Variants in WNK3 observed in about 807,000 individuals in gnomAD.
WNK3 encodes the protein serine/threonine-protein kinase WNK3.
Under a neutral mutation model 116.7 loss-of-function variants are expected in WNK3, and 18 were observed. The observed-to-expected ratio is 0.15, with a 90% CI of 0.11 to 0.23. The LOEUF (loss-of-function observed/expected upper bound fraction) is 0.23, where lower values mean the gene tolerates loss of function less well. WNK3 is among the 10% of genes least tolerant of loss of function. WNK3 has a pLI of 1.00. For missense variants in WNK3, 993 were observed against 1,323.8 expected (o/e 0.75, Z 3.88); for synonymous variants, 404 against 469.4 (o/e 0.86, Z 1.80).
intron 22 of WNK3, among the ~76,000 whole-genome samples, chrX:54,227,332 A>G (rs782123008): frequency 5.4e-5 from 6 of 111,932 alleles, no homozygotes; most frequent in Non-Finnish European, 9.4e-5. Flanking sequence ...TTAATAACTA[A>G]TATTACAGAA....
At chrX:54,313,963 G>A (rs1032447757) in intron 2 of WNK3, among the ~76,000 whole-genome samples, 1 of 109,111 alleles carries the variant, frequency 9.2e-6, no homozygotes, top group Non-Finnish European at 1.9e-5. Context: ...AGGCCAAGGC[G>A]GGCAGATCGC....
Position 54,251,383 on chromosome X carries a change from T to C in WNK3, c.2575+16A>G. On this transcript the variant is annotated intron_variant, in intron 15 of 23. Coordinates refer to ENST00000354646, the Ensembl canonical transcript of WNK3. ...GCTTCAAAAACCAAATGATAAATTT[T>C]ACTAAATATACTTACTGCTGGTTTG... is the stretch of plus-strand genomic sequence containing the variant. 8.9e-7 allele frequency: 1 copy of C among 1,118,039 alleles called. No homozygotes were observed. The highest frequency in any genetic ancestry group is 2.1e-5 in the South Asian group (1 of 47,589). The allele number at this position is 1,118,039 out of a possible 1,213,427, so 92.1% of individuals were successfully genotyped here.
chrX:54,328,211 G>C (rs2069128336), intron 2 of WNK3, among the ~76,000 whole-genome samples: 1 of 109,680 alleles, frequency 9.1e-6, no homozygotes, highest in African/African-American at 3.3e-5. Flanking sequence ...CATTCAAACT[G>C]CTCACTGGGG....
At chrX:54,200,342 G>C (rs1557141364) in intron 23 of WNK3, among the ~76,000 whole-genome samples, 1 of 111,593 alleles carries the variant, frequency 9.0e-6, no homozygotes, top group African/African-American at 3.3e-5. Flanking sequence ...AAGCAAACAA[G>C]TATTTCTGAG....
intron 2 of WNK3, among the ~76,000 whole-genome samples, chrX:54,327,531 A>C (rs1990046959): frequency 8.9e-6 from 1 of 111,959 alleles, no homozygotes; most frequent in African/African-American, 3.3e-5. Context: ...TATAAATTTC[A>C]AATCAAACAC....
chrX:54,256,114 TAAA>T (rs1475220168), intron 11 of WNK3, among the ~76,000 whole-genome samples: 1 of 111,911 alleles, frequency 8.9e-6, no homozygotes, highest in Non-Finnish European at 1.9e-5. Flanking sequence ...AAAGCTTTCT[TAAA>T]AAGCTGAAAA....
intron 22 of WNK3, among the ~76,000 whole-genome samples, chrX:54,213,034 G>A (rs1281620527): frequency 1.8e-5 from 2 of 110,594 alleles, no homozygotes; most frequent in Admixed American, 1.9e-4. Context: ...GAGTGCAGTG[G>A]TGCAATAACA....
intron 2 of WNK3, among the ~76,000 whole-genome samples, chrX:54,325,399 C>T (rs1557173085): frequency 9.0e-6 from 1 of 110,585 alleles, no homozygotes; most frequent in Non-Finnish European, 1.9e-5. Flanking sequence ...GTTCCATTGG[C>T]CGGGCGTTGT....
rs148675135 is a variant in WNK3 at position 54,256,209 on chromosome X, A to G, written c.2103-322T>C. On this transcript the variant is annotated intron_variant, in intron 11 of 23. Transcript: ENST00000354646. ...ATGAAAGAAAAATATTGCCAGTGAT[A>G]GACCTCTGTGGAGCCTTTTATTATA... 3.3e-4 allele frequency among the ~76,000 whole-genome samples: 37 copies of G among 112,090 alleles called. No homozygotes were observed. The East Asian group carries it at 9.8e-3, about 30-fold the overall frequency.
intron 10 of WNK3, among the ~76,000 whole-genome samples, chrX:54,267,607 G>A (rs1557158053): frequency 2.7e-5 from 3 of 109,895 alleles, no homozygotes; most frequent in African/African-American, 9.9e-5. Context: ...CCAACATGGT[G>A]AAACCCCATC....
At chrX:54,281,701 A>G (rs781888608) in intron 10 of WNK3, among the ~76,000 whole-genome samples, 2 of 111,685 alleles carry the variant, frequency 1.8e-5, no homozygotes, top group African/African-American at 3.3e-5. Context: ...GGCTTCACTT[A>G]GCATAATGTC....
At chrX:54,198,628 G>A (rs1557140917) in exon 24 of WNK3, 4 of 1,204,892 alleles carry the variant, frequency 3.3e-6, no homozygotes, top group Non-Finnish European at 4.5e-6. Context: ...CCATGTTGAT[G>A]TGTAGCCCAT....
intron 1 of WNK3, among the ~76,000 whole-genome samples, chrX:54,346,608 A>C (rs2069434814): frequency 1.5e-3 from 1 of 681 alleles, no homozygotes; most frequent in Non-Finnish European, 4.7e-3. Flanking sequence ...TCTGTCTCAA[A>C]AAAAAAAAAA....
intron 22 of WNK3, among the ~76,000 whole-genome samples, chrX:54,210,392 G>A (rs1256044576): frequency 8.9e-6 from 1 of 112,349 alleles, no homozygotes; most frequent in Non-Finnish European, 1.9e-5. Context: ...AGGCAGAGGT[G>A]GGAGGATTGC....
chrX:54,312,387 C>T (rs1311076445), intron 2 of WNK3, among the ~76,000 whole-genome samples: 1 of 111,296 alleles, frequency 9.0e-6, no homozygotes, highest in Non-Finnish European at 1.9e-5. Context: ...TTGTACATGA[C>T]ATTATCTTCT....
chrX:54,317,948 T>A (rs1557171388), intron 2 of WNK3, among the ~76,000 whole-genome samples: 1 of 110,079 alleles, frequency 9.1e-6, no homozygotes, highest in African/African-American at 3.3e-5. Context: ...AGTTAAATTG[T>A]TTAATGAGTA....
At chrX:54,308,197 C>CT (rs1259738150) in intron 4 of WNK3, 118 bp from the exon 5 acceptor site, 25,681 of 483,878 alleles carry the variant, frequency 0.053, no homozygotes, top group East Asian at 0.066. Flanking sequence ...AAGCAAATTT[C>CT]TTTTTTTTTT....
chrX:54,292,561 C>T (rs1316443327), intron 10 of WNK3, among the ~76,000 whole-genome samples: 2 of 109,476 alleles, frequency 1.8e-5, no homozygotes, highest in Non-Finnish European at 3.8e-5. Flanking sequence ...AAAAAATTAG[C>T]GGGGCATGGT....
chrX:54,215,249 T>C (rs933896153), intron 22 of WNK3, among the ~76,000 whole-genome samples: 1 of 111,022 alleles, frequency 9.0e-6, no homozygotes, highest in Non-Finnish European at 1.9e-5. Context: ...CAGCCCAGGC[T>C]GGACTGTACT....
Sources: gnomAD v4.1 joint callset for allele counts (sites outside exome capture counted in the v4.1 genomes callset) on GRCh38, gnomAD v4.1.1 for gene constraint, MANE v1.5 for transcripts, NCBI Gene and HGNC (gene_info 2026-07-23, HGNC 2026-07-21) for gene names.